FUT8: variants seen among roughly 807,000 people sequenced by gnomAD.
FUT8 encodes alpha-(1,6)-fucosyltransferase.
FUT8 carries 29 observed loss-of-function variants against 71.3 expected under a neutral mutation model. That is an observed-to-expected ratio of 0.41 (90% confidence interval 0.30 to 0.55). The LOEUF is 0.55. Ranked by LOEUF, FUT8 falls within the 20% of genes least tolerant of loss-of-function variation. The pLI is 0.34. For synonymous variants in FUT8, 254 were observed against 239.3 expected, an observed-to-expected ratio of 1.06 and a Z score of -0.57; for missense variants, 544 against 702.1, an observed-to-expected ratio of 0.77 and a Z score of 2.55.
intron 2 of FUT8, among the ~76,000 whole-genome samples, chr14:65,484,112 G>C (rs2066373463): frequency 6.6e-6 from 1 of 152,124 alleles, no homozygotes; most frequent in Admixed American, 6.6e-5. Flanking sequence ...CTGAAAACCT[G>C]CTGTACTCAT....
At chr14:65,629,835 C>CAT (rs1890089548) in intron 6 of FUT8, among the ~76,000 whole-genome samples, 1 of 148,726 alleles carries the variant, frequency 6.7e-6, no homozygotes, top group Non-Finnish European at 1.5e-5. Context: ...CACGTACACA[C>CAT]ACACACACAC....
At chr14:65,547,313 G>C (rs1167301336) in intron 2 of FUT8, among the ~76,000 whole-genome samples, 3 of 151,326 alleles carry the variant, frequency 2.0e-5, no homozygotes, top group African/African-American at 7.3e-5. Flanking sequence ...TATACCTCTT[G>C]AGGTATAATA....
intron 1 of FUT8, among the ~76,000 whole-genome samples, chr14:65,439,954 G>GTGTAAGTATATA: frequency 1.3e-5 from 1 of 74,974 alleles, no homozygotes; most frequent in Non-Finnish European, 2.5e-5. Context: ...GTGTGTGTGT[G>GTGTAAGTATATA]TATATATATA....
At chr14:65,558,304 C>T (rs1345297385) in intron 2 of FUT8, among the ~76,000 whole-genome samples, 13 of 143,292 alleles carry the variant, frequency 9.1e-5, no homozygotes, top group Non-Finnish European at 1.8e-4. Flanking sequence ...TGCACTCCAG[C>T]CTGGGCAACA....
intron 3 of FUT8, among the ~76,000 whole-genome samples, chr14:65,573,957 G>A (rs1566829549): frequency 2.0e-5 from 3 of 152,242 alleles, no homozygotes; most frequent in South Asian, 2.1e-4. Context: ...TGTGGATTAG[G>A]AGTTCTTGCA....
At chr14:65,610,990 C>G (rs953616850) in intron 3 of FUT8, among the ~76,000 whole-genome samples, 4 of 151,262 alleles carry the variant, frequency 2.6e-5, no homozygotes, top group African/African-American at 9.7e-5. Flanking sequence ...CTATATCTTT[C>G]TCTGGTTTGA....
In FUT8 at chr14:65,700,385, T is replaced by TTTTTG. The variant is rs1555385581; in HGVS notation, c.836-21386_836-21385insGTTTT. ...TACTTTCTTTTCTTTCTTTCTGTTTTTTTTTTTTTTTTTTTTTTTTTTTGA... is the reference window on the plus strand; with the variant it reads ...TACTTTCTTTTCTTTCTTTCTGTTTTTTTTGTTTTTTTTTTTTTTTTTTTTTTTGA... On this transcript the variant is annotated intron_variant, in intron 7 of 10. Coordinates refer to ENST00000673929, the MANE Select transcript of FUT8 (RefSeq NM_001371533.1). Among the ~76,000 whole-genome samples the TTTTTG allele has an allele frequency of 2.6e-5, 3 of 116,200 alleles. 1 individual carries two copies. Among genetic ancestry groups the TTTTTG allele is most frequent in the African/African-American group, 1.0e-4 (3 of 29,998 alleles). The allele number at this position is 116,200 out of a possible 152,430, so 76.2% of individuals were successfully genotyped here.
chr14:65,697,708 C>T (rs762833038), intron 7 of FUT8, among the ~76,000 whole-genome samples: 4 of 152,140 alleles, frequency 2.6e-5, no homozygotes, highest in Non-Finnish European at 5.9e-5. Context: ...CTTTGGGAGG[C>T]CAAGGCAGGT....
At chr14:65,411,369 C>A (rs2065121634), upstream of FUT8, 1 of 152,368 alleles carries the variant, frequency 6.6e-6, no homozygotes, top group Non-Finnish European at 1.5e-5. Context: ...AAAGAGCTGA[C>A]AATAAATACG....
chr14:65,399,897 T>C, the FUT8 span, among the ~76,000 whole-genome samples: 722 of 152,364 alleles, frequency 4.7e-3, 6 homozygotes, highest in East Asian at 0.037. Context: ...TTTAGTCTGT[T>C]GTAATAAAAT....
At chr14:65,617,099 G>A in intron 5 of FUT8, 1 of 1,594,088 alleles carries the variant, frequency 6.3e-7, no homozygotes, top group Non-Finnish European at 8.5e-7. Context: ...GGATTCTGAT[G>A]GCAATTACTG....
At chr14:65,408,962 A>C (rs1035986865), upstream of FUT8, among the ~76,000 whole-genome samples, 1 of 152,198 alleles carries the variant, frequency 6.6e-6, no homozygotes, top group Non-Finnish European at 1.5e-5. Context: ...AAAAAATAAA[A>C]ATGAAAATAT....
the FUT8 span, among the ~76,000 whole-genome samples, chr14:65,371,250 C>T: frequency 6.6e-6 from 1 of 152,178 alleles, no homozygotes; most frequent in South Asian, 2.1e-4. Context: ...AACTTTTCTT[C>T]CTGAATTATT....
intron 6 of FUT8, among the ~76,000 whole-genome samples, chr14:65,646,920 G>C (rs1891150480): frequency 6.6e-6 from 1 of 152,138 alleles, no homozygotes; most frequent in African/African-American, 2.4e-5. Flanking sequence ...TTCTGTGGTA[G>C]GTTGTCTAAA....
At chr14:65,590,996 T>C (rs1887656397) in intron 3 of FUT8, among the ~76,000 whole-genome samples, 1 of 152,196 alleles carries the variant, frequency 6.6e-6, no homozygotes, top group Admixed American at 6.5e-5. Flanking sequence ...TTCTTTTACC[T>C]ATAGTTTATT....
intron 3 of FUT8, among the ~76,000 whole-genome samples, chr14:65,606,491 A>G (rs1252551252): frequency 2.0e-5 from 3 of 151,870 alleles, no homozygotes; most frequent in Non-Finnish European, 4.4e-5. Flanking sequence ...ATCATGAAGA[A>G]TGCAAAATTT....
chr14:65,420,388 A>G (rs1011544531), intron 1 of FUT8, among the ~76,000 whole-genome samples: 11 of 152,090 alleles, frequency 7.2e-5, no homozygotes, highest in African/African-American at 2.7e-4. Context: ...AAATGCTGGG[A>G]TTACAGGTGT....
At chr14:65,401,866 C>T in the FUT8 span, among the ~76,000 whole-genome samples, 407 of 146,794 alleles carry the variant, frequency 2.8e-3, 3 homozygotes, top group African/African-American at 9.8e-3. Flanking sequence ...GCACTCCCTC[C>T]AGCCTGGGTG....
chr14:65,527,945 G>A (rs1441130760), intron 2 of FUT8, among the ~76,000 whole-genome samples: 2 of 152,194 alleles, frequency 1.3e-5, no homozygotes, highest in African/African-American at 2.4e-5. Context: ...CATGTGAGGT[G>A]TCAGTCTGCC....
Sources: gnomAD v4.1 joint callset for allele counts (sites outside exome capture counted in the v4.1 genomes callset) on GRCh38, gnomAD v4.1.1 for gene constraint, MANE v1.5 for transcripts, NCBI Gene and HGNC (gene_info 2026-07-23, HGNC 2026-07-21) for gene names.